The following CRYBG2 variants were observed in gnomAD, a reference collection of about 807,000 sequenced individuals.
CRYBG2 encodes beta/gamma crystallin domain-containing protein 2.
Under a neutral mutation model 153.4 loss-of-function variants are expected in CRYBG2, and 106 were observed. The ratio of observed to expected loss-of-function variants is 0.69; its 90% confidence interval spans 0.59 to 0.81. The LOEUF is 0.81. Among genes scored for constraint, CRYBG2 ranks in the 30% least tolerant of loss-of-function variants. CRYBG2 has a pLI of 0.00. For missense variants in CRYBG2, 1,996 were observed against 2,112.0 expected (o/e 0.95, Z 1.08); for synonymous variants, 851 against 877.8 (o/e 0.97, Z 0.54).
At chr1:26,323,556 A>G (rs1260168107) in intron 18 of CRYBG2, among the ~76,000 whole-genome samples, 1 of 152,204 alleles carries the variant, frequency 6.6e-6, no homozygotes, top group Non-Finnish European at 1.5e-5. Context: ...TCTAGAACAG[A>G]GCCTGGCACA....
intron 5 of CRYBG2, among the ~76,000 whole-genome samples, chr1:26,341,076 C>T (rs759845048): frequency 2.6e-5 from 4 of 151,970 alleles, no homozygotes; most frequent in South Asian, 2.1e-4. Flanking sequence ...CAGTGGCTCA[C>T]GCCTGTAATC....
chr1:26,331,197 G>A (rs1462057291), intron 15 of CRYBG2, among the ~76,000 whole-genome samples: 1 of 152,190 alleles, frequency 6.6e-6, no homozygotes, highest in Non-Finnish European at 1.5e-5. Flanking sequence ...CACCACTCCT[G>A]TATCTGGATG....
intron 1 of CRYBG2, among the ~76,000 whole-genome samples, chr1:26,350,181 A>T (rs907570178): frequency 2.6e-5 from 4 of 152,172 alleles, no homozygotes; most frequent in African/African-American, 9.7e-5. Context: ...CTGCCATGTG[A>T]TGCTCTGAGC....
intron 14 of CRYBG2, 66 bp from the exon 15 acceptor site, chr1:26,331,684 G>A: frequency 1.9e-6 from 3 of 1,587,644 alleles, no homozygotes; most frequent in Non-Finnish European, 2.6e-6. Flanking sequence ...AGGTTCCCCT[G>A]AGATACAGAA....
rs745422282 is a variant in CRYBG2, at chr1:26,337,205, T to G, written c.3771+48A>C. On this transcript the variant is annotated intron_variant, in intron 10 of 19. Coordinates refer to ENST00000308182, the MANE Select transcript of CRYBG2 (RefSeq NM_001039775.4). Reference sequence around the variant, plus strand: ...CCTCCACAAACTGTACTGGGGGAGGTCTGGCTGTGGCCAGAGGCAGAGGGA... The same window carrying G: ...CCTCCACAAACTGTACTGGGGGAGGGCTGGCTGTGGCCAGAGGCAGAGGGA... The G allele has an allele frequency of 9.3e-6, 15 of 1,607,848 alleles. No individual in the cohort carries two copies. In the Admixed American group the frequency reaches 1.8e-4, roughly 20 times the overall value.
At chr1:26,341,017 T>C (rs141218587) in intron 5 of CRYBG2, among the ~76,000 whole-genome samples, 95 of 152,214 alleles carry the variant, frequency 6.2e-4, no homozygotes, top group African/African-American at 2.2e-3. Context: ...GCAACAGCTC[T>C]GGACTCAGTT....
Position 26,337,325 on chromosome 1 carries a change from C to T in CRYBG2, c.3699G>A (p.Glu1233=). ...AGTGTGACCAGTCTGGGTATTCCCC[C>T]TCCTCCAGCAGATACTGGTGGCCCC... ...GFRGHQYLLE[E]GEYPDWSHWG... Residue 1233 remains glutamate (E), a synonymous_variant, in exon 10 of 20, where the codon GAG becomes GAA. Transcript: ENST00000308182. The T allele has an allele frequency of 6.2e-7, 1 of 1,614,116 alleles. No individual in the cohort carries two copies. Among genetic ancestry groups the T allele is most frequent in the Non-Finnish European group, 8.5e-7 (1 of 1,179,988 alleles).
At chr1:26,324,383 T>C (rs2073897748) in intron 17 of CRYBG2, 73 bp from the exon 18 acceptor site, 11 of 1,462,162 alleles carry the variant, frequency 7.5e-6, no homozygotes, top group Non-Finnish European at 1.0e-5. Flanking sequence ...CCCTCAACTC[T>C]GGACTCTCCA....
At chr1:26,352,670 C>G (rs1311637713) in intron 1 of CRYBG2, among the ~76,000 whole-genome samples, 1 of 152,122 alleles carries the variant, frequency 6.6e-6, no homozygotes, top group African/African-American at 2.4e-5. Context: ...TAGCCTCCCA[C>G]CTGAGTCTGT....
chr1:26,353,392 T>C (rs950995597), intron 1 of CRYBG2, among the ~76,000 whole-genome samples: 1 of 152,076 alleles, frequency 6.6e-6, no homozygotes, highest in African/African-American at 2.4e-5. Flanking sequence ...TTGGGGGACA[T>C]ATCCTTCCAC....
intron 15 of CRYBG2, among the ~76,000 whole-genome samples, chr1:26,329,173 CTTT>C (rs35855833): frequency 4.1e-5 from 4 of 98,638 alleles, no homozygotes; most frequent in South Asian, 3.5e-4. Context: ...TTATTCTAGG[CTTT>C]TTTTTTTTTT....
chr1:26,345,998 C>A lies in CRYBG2; in HGVS notation c.660G>T (p.Val220=), dbSNP rs374526795. 2 of 1,593,994 alleles carry A rather than the reference C, an allele frequency of 1.3e-6. No individual in the cohort carries two copies. The highest frequency in any genetic ancestry group is 1.7e-6 in the Non-Finnish European group (2 of 1,177,534). Residue 220 remains valine (V), a synonymous_variant, in exon 2 of 20, where the codon GTG becomes GTT. Transcript: ENST00000308182. ...GRQVSRMVPP[V]VVGSPPGSPS... is the part of the protein sequence containing the mutation. The stretch of plus-strand genomic sequence containing the variant: ...GCGAGCCTGGTGGGGAGCCCACCAC[C>A]ACTGGCGGCACCATGCGGGAGACCT...
At position 26,322,072 on chromosome 1, in the gene CRYBG2, G is replaced by A. The variant is rs758840029; in HGVS notation, c.4898-16C>T. On this transcript the variant is annotated splice_polypyrimidine_tract_variant and intron_variant, in intron 19 of 19. Transcript: ENST00000308182. Reference sequence around the variant, plus strand: ...CCCCGGCCTCCTGGGGGTGGGATGGGGATTAAAAGATAGGGAGATAGTCAG... The same window carrying A: ...CCCCGGCCTCCTGGGGGTGGGATGGAGATTAAAAGATAGGGAGATAGTCAG... 5.0e-6 allele frequency: 8 copies of A among 1,604,198 alleles called. No homozygotes were observed. In the African/African-American group the frequency reaches 1.1e-4, roughly 21 times the overall value.
intron 5 of CRYBG2, among the ~76,000 whole-genome samples, chr1:26,341,064 C>T (rs1570194490): frequency 6.6e-6 from 1 of 151,976 alleles, no homozygotes; most frequent in African/African-American, 2.4e-5. Flanking sequence ...TCAGGCCGGG[C>T]GCAGTGGCTC....
chr1:26,341,688 C>T (rs972085812), intron 5 of CRYBG2, among the ~76,000 whole-genome samples: 2 of 152,042 alleles, frequency 1.3e-5, no homozygotes, highest in Non-Finnish European at 2.9e-5. Context: ...GGTTTCACCA[C>T]GTTGGCTGGG....
rs760845135 is a variant in CRYBG2, at chr1:26,336,375, A to G, written c.4039-5T>C. The G allele has an allele frequency of 2.5e-6, 4 of 1,613,174 alleles. No homozygotes were observed. Among genetic ancestry groups the G allele is most frequent in the Non-Finnish European group, 3.4e-6 (4 of 1,179,626 alleles). Reference sequence around the variant, plus strand: ...GTGCAGATCGTGCTCCCCGACCTGAAGGTAGGGACCGAATCGAGAATTAGG... The same window carrying G: ...GTGCAGATCGTGCTCCCCGACCTGAGGGTAGGGACCGAATCGAGAATTAGG... On this transcript the variant is annotated splice_polypyrimidine_tract_variant and splice_region_variant and intron_variant, in intron 12 of 19. Coordinates refer to ENST00000308182, the MANE Select transcript of CRYBG2 (RefSeq NM_001039775.4). The surrounding 1 kb of genome is among the most constrained non-coding windows in gnomAD (Gnocchi z 4.9).
In CRYBG2 at chr1:26,332,819, T is replaced by C. The variant is rs191183373; in HGVS notation, c.4185-1201A>G. 4.9e-4 allele frequency among the ~76,000 whole-genome samples: 74 copies of C among 151,954 alleles called. 2 individuals are homozygous for C. The East Asian group carries it at 0.011, about 23-fold the overall frequency. ...CTGCACCTGGCCAAAATTCACACTT[T>C]TAAGGTGTACAATTTAGTGTTTTTT... On this transcript the variant is annotated intron_variant, in intron 14 of 19. Coordinates refer to ENST00000308182, the MANE Select transcript of CRYBG2 (RefSeq NM_001039775.4).
chr1:26,336,985 G>A lies in CRYBG2; in HGVS notation c.3772-5C>T, dbSNP rs776816705. 6.2e-7 allele frequency: 1 copy of A among 1,613,480 alleles called. No homozygotes were observed. The highest frequency in any genetic ancestry group is 1.7e-5 in the Admixed American group (1 of 59,976). Reference sequence around the variant, plus strand: ...GACGGCCGGGTCCCCGAAGTCCTGGGTCCCCAGGGACAGTCAGGTCTCTCC... The same window carrying A: ...GACGGCCGGGTCCCCGAAGTCCTGGATCCCCAGGGACAGTCAGGTCTCTCC... On this transcript the variant is annotated splice_polypyrimidine_tract_variant and splice_region_variant and intron_variant, in intron 10 of 19. Transcript: ENST00000308182. This position sits in a 1 kb window ranked among gnomAD's most constrained non-coding sequence, Gnocchi z 4.9.
In CRYBG2 at chr1:26,345,553, G is replaced by A; in HGVS notation, c.1105C>T (p.Pro369Ser). 1.2e-6 allele frequency: 2 copies of A among 1,604,636 alleles called. No homozygotes were observed. Among genetic ancestry groups the A allele is most frequent in the Middle Eastern group, 1.7e-4 (1 of 6,050 alleles). Residue 369 changes from proline to serine, a missense_variant, in exon 2 of 20, where the codon CCT becomes TCT. Physicochemically the swap from Pro to Ser is moderately conservative, Grantham distance 74. Transcript: ENST00000308182. ...THVPSPGLTH[P>S]AKQPVVPTHP... is the part of the protein sequence containing the mutation. ...GTGGGCACCACAGGCTGCTTTGCAG[G>A]GTGAGTTAGGCCAGGAGAGGGGACA...
Sources: allele counts gnomAD v4.1 joint callset (sites outside exome capture counted in the v4.1 genomes callset), GRCh38; gene constraint gnomAD v4.1.1; non-coding constraint Gnocchi (gnomAD v3.1); transcripts MANE v1.5; gene names NCBI Gene and HGNC (gene_info 2026-07-23, HGNC 2026-07-21).